Variants in ELAPOR1 observed in about 807,000 individuals in gnomAD.
ELAPOR1 encodes the protein endosome/lysosome-associated apoptosis and autophagy regulator 1.
Under a neutral mutation model 119.7 loss-of-function variants are expected in ELAPOR1, and 77 were observed. The observed-to-expected ratio is 0.64, with a 90% CI of 0.54 to 0.78. The LOEUF (loss-of-function observed/expected upper bound fraction) is 0.78, where lower values mean the gene tolerates loss of function less well. Among genes scored for constraint, ELAPOR1 ranks in the 30% least tolerant of loss-of-function variants. The pLI is 0.00. For synonymous variants in ELAPOR1, 481 were observed against 487.2 expected (o/e 0.99, Z 0.17); for missense variants, 1,115 against 1,270.4 (o/e 0.88, Z 1.86).
intron 1 of ELAPOR1, 28 bp downstream of exon 1, chr1:109,114,364 C>G: frequency 6.5e-7 from 1 of 1,543,434 alleles, no homozygotes; most frequent in Non-Finnish European, 8.7e-7. Flanking sequence ...CCCGATCCCG[C>G]TTTGGTCACA....
At chr1:109,117,850 C>T (rs915959702) in intron 1 of ELAPOR1, among the ~76,000 whole-genome samples, 5 of 152,000 alleles carry the variant, frequency 3.3e-5, no homozygotes, top group Non-Finnish European at 5.9e-5. Flanking sequence ...TAATTCAGGG[C>T]GGGGCACAGT....
Position 109,200,116 on chromosome 1 carries a change from G to C in ELAPOR1, c.2686G>C (p.Glu896Gln). 4.3e-6 allele frequency: 7 copies of C among 1,614,186 alleles called. No individual in the cohort carries two copies. Among genetic ancestry groups the C allele is most frequent in the Non-Finnish European group, 5.9e-6 (7 of 1,180,028 alleles). The change falls in exon 20 of 22, where the codon GAG becomes CAG. Residue 896 changes from glutamate (E) to glutamine (Q), a missense_variant. Glu to Gln is a conservative substitution (Grantham distance 29). Transcript: ENST00000369939. The part of the protein sequence containing the change: ...KLCSGGISLP[E>Q]QRVTICKTID... ...ATGCTCTGGTGGCATTTCTCTGCCT[G>C]AGCAGAGAGTCACCATCTGCAAAAC... is the stretch of plus-strand genomic sequence containing the variant.
intron 13 of ELAPOR1, 135 bp from the exon 14 acceptor site, chr1:109,192,476 A>G: frequency 1.1e-6 from 1 of 946,910 alleles, no homozygotes; most frequent in Non-Finnish European, 1.6e-6. Flanking sequence ...AGTGAGTAAA[A>G]AGAGTCAGAT....
At position 109,136,722 on chromosome 1, in the gene ELAPOR1, C is replaced by G. The variant is rs139962937; in HGVS notation, c.153+22386C>G. On this transcript the variant is annotated intron_variant, in intron 1 of 21. Transcript: ENST00000369939. The stretch of plus-strand genomic sequence containing the variant: ...CTAAATACCCTGAAAATAACGAACT[C>G]CTGTGTCTCTAGATATTTAAACCTC... 8.0e-3 allele frequency among the ~76,000 whole-genome samples: 1,217 copies of G among 152,302 alleles called. 8 individuals are homozygous for G. The highest frequency in any genetic ancestry group is 0.013 in the Non-Finnish European group (858 of 68,038).
At chr1:109,134,736 T>C (rs1372591737) in intron 1 of ELAPOR1, among the ~76,000 whole-genome samples, 1 of 152,146 alleles carries the variant, frequency 6.6e-6, no homozygotes, top group Non-Finnish European at 1.5e-5. Flanking sequence ...CTGGAGGCTT[T>C]AACAACATCT....
chr1:109,127,121 T>C (rs643701), intron 1 of ELAPOR1, among the ~76,000 whole-genome samples: 23,333 of 151,906 alleles, frequency 0.15, 2,000 homozygotes, highest in African/African-American at 0.22. Flanking sequence ...ACACAACAGA[T>C]AATTATAGTT....
At chr1:109,197,359 CATACCATT>C in intron 15 of ELAPOR1, 107 bp from the exon 16 acceptor site, 1 of 833,968 alleles carries the variant, frequency 1.2e-6, no homozygotes, top group South Asian at 1.6e-5. Context: ...TCCCCTACAA[CATACCATT>C]GAAACGCTGA....
chr1:109,203,270 C>T lies in ELAPOR1; in HGVS notation c.*258C>T. The stretch of plus-strand genomic sequence containing the variant: ...TATCTTGTTTCCCAAAATGGCCCAT[C>T]CGCCAGAGCCATAGCTTCGTCTGCT... On this transcript the variant is annotated 3_prime_UTR_variant, in exon 22 of 22. Coordinates refer to ENST00000369939, the MANE Select transcript of ELAPOR1 (RefSeq NM_020775.5). 2.1e-6 allele frequency: 1 copy of T among 473,736 alleles called. No homozygotes were observed. 29.3% of individuals were successfully genotyped at this position (473,736 alleles called of 1,614,324 possible).
intron 1 of ELAPOR1, among the ~76,000 whole-genome samples, chr1:109,149,895 T>C (rs895081580): frequency 4.6e-5 from 7 of 152,134 alleles, no homozygotes; most frequent in African/African-American, 1.7e-4. Context: ...AGGGATAATA[T>C]TGGCAACACT....
chr1:109,199,838 T>C lies in ELAPOR1; in HGVS notation c.2502-16T>C, dbSNP rs1194038715. On this transcript the variant is annotated splice_polypyrimidine_tract_variant and intron_variant, in intron 18 of 21. Coordinates refer to ENST00000369939, the MANE Select transcript of ELAPOR1 (RefSeq NM_020775.5). ...TCCAGCGAGTGAGAGCTCAGGTCTC[T>C]TTTCTGCTTTGCTAGAACGTGCTCG... The C allele has an allele frequency of 6.2e-7, 1 of 1,608,906 alleles. No individual in the cohort carries two copies.
At chr1:109,168,848 A>G (rs1287497503) in intron 3 of ELAPOR1, among the ~76,000 whole-genome samples, 1 of 152,224 alleles carries the variant, frequency 6.6e-6, no homozygotes, top group Non-Finnish European at 1.5e-5. Context: ...TGATACTTGT[A>G]AAGAATTTAG....
chr1:109,158,245 A>G (rs1651008667), intron 1 of ELAPOR1, among the ~76,000 whole-genome samples: 1 of 151,892 alleles, frequency 6.6e-6, no homozygotes, highest in Non-Finnish European at 1.5e-5. Context: ...TTTGAAAGCA[A>G]GTGGTGGGAA....
intron 1 of ELAPOR1, among the ~76,000 whole-genome samples, chr1:109,117,170 C>T (rs1648068969): frequency 6.6e-6 from 1 of 152,164 alleles, no homozygotes; most frequent in South Asian, 2.1e-4. Flanking sequence ...TAGCTTGAGG[C>T]CTAAACTGAA....
In ELAPOR1 at chr1:109,205,009, T is replaced by A. The variant is rs1389433721; in HGVS notation, c.*1997T>A. The A allele has an allele frequency of 6.6e-6, 1 of 152,252 alleles. No individual in the cohort carries two copies. The highest frequency in any genetic ancestry group is 2.4e-5 in the African/African-American group (1 of 41,466). 9.4% of individuals were successfully genotyped at this position (152,252 alleles called of 1,614,324 possible). On this transcript the variant is annotated 3_prime_UTR_variant, in exon 22 of 22. Coordinates refer to ENST00000369939, the MANE Select transcript of ELAPOR1 (RefSeq NM_020775.5). ...TGTGATAAAAAACTAAAGAGACTTC[T>A]GGTCCAATTTCTGGCAACATCCCTT...
At chr1:109,174,015 AT>A (rs57356277) in intron 7 of ELAPOR1, among the ~76,000 whole-genome samples, 178 bp downstream of exon 7, 388 of 137,736 alleles carry the variant, frequency 2.8e-3, no homozygotes, top group Admixed American at 3.8e-3. Context: ...TCACTTTGTC[AT>A]TTTTTTTTTT....
At chr1:109,160,551 A>C (rs559104320) in intron 1 of ELAPOR1, among the ~76,000 whole-genome samples, 177 of 152,336 alleles carry the variant, frequency 1.2e-3, no homozygotes, top group Non-Finnish European at 1.9e-4. Context: ...ACCTATCCCC[A>C]AAAATAAAGC....
chr1:109,192,553 C>T (rs1653504116), intron 13 of ELAPOR1, 58 bp from the exon 14 acceptor site: 2 of 1,570,586 alleles, frequency 1.3e-6, no homozygotes, highest in South Asian at 2.3e-5. Context: ...CTAGAGGCCT[C>T]AATTGTTGCT....
At chr1:109,185,210 A>G (rs12239854) in intron 8 of ELAPOR1, 77 bp downstream of exon 8, 162,710 of 1,114,722 alleles carry the variant, frequency 0.15, 13,507 homozygotes, top group African/African-American at 0.24. Flanking sequence ...ACCATTTGGA[A>G]CTTCAGCAGT....
rs751184603 is a variant in ELAPOR1, at chr1:109,171,980, C to T, written c.582C>T (p.Tyr194=). 2.2e-5 allele frequency: 36 copies of T among 1,614,092 alleles called. No homozygotes were observed. The South Asian group carries it at 3.8e-4, about 17-fold the overall frequency. ...KQSGTVNFEY[Y]YPDSSIIFEF... Reference sequence around the variant, plus strand: ...CTGGCACCGTTAACTTCGAATACTACTATCCAGACTCCAGCATCATCTTTG... The same window carrying T: ...CTGGCACCGTTAACTTCGAATACTATTATCCAGACTCCAGCATCATCTTTG... Residue 194 remains tyrosine, a synonymous_variant, in exon 4 of 22, where the codon TAC becomes TAT. Transcript: ENST00000369939.
Sources: allele counts gnomAD v4.1 joint callset (sites outside exome capture counted in the v4.1 genomes callset), GRCh38; gene constraint gnomAD v4.1.1; transcripts MANE v1.5; gene names NCBI Gene and HGNC (gene_info 2026-07-23, HGNC 2026-07-21).